NUP98: variants seen among roughly 807,000 people sequenced by gnomAD.
NUP98 encodes the protein nucleoporin 98 and 96 precursor.
In NUP98, 26 loss-of-function variants were observed where a neutral mutation model predicts 191.9. The ratio of observed to expected loss-of-function variants is 0.14; its 90% CI spans 0.10 to 0.19. The LOEUF is 0.19. Ranked by LOEUF, NUP98 falls within the 10% of genes least tolerant of loss-of-function variation. NUP98 has a pLI of 1.00. For synonymous variants in NUP98, 808 were observed against 778.4 expected (o/e 1.04, Z -0.63); for missense variants, 1,941 against 2,178.8 (o/e 0.89, Z 2.17).
At chr11:3,729,490 T>C (rs2079751077) in intron 14 of NUP98, among the ~76,000 whole-genome samples, 1 of 142,818 alleles carries the variant, frequency 7.0e-6, no homozygotes, top group African/African-American at 2.6e-5. Flanking sequence ...GGCTGAGGCT[T>C]GAGCCCAGGA....
At chr11:3,705,924 C>T (rs773872180) in intron 21 of NUP98, among the ~76,000 whole-genome samples, 2 of 147,590 alleles carry the variant, frequency 1.4e-5, no homozygotes, top group South Asian at 2.1e-4. Flanking sequence ...CCAACGCGGG[C>T]AGATCACCTG....
rs1170888720 is a variant in NUP98 at position 3,706,631 on chromosome 11, T to C, written c.2743-4A>G. The C allele has an allele frequency of 1.4e-5, 22 of 1,612,434 alleles. No homozygotes were observed. Among genetic ancestry groups the C allele is most frequent in the Non-Finnish European group, 1.7e-5 (20 of 1,179,484 alleles). On this transcript the variant is annotated splice_region_variant and splice_polypyrimidine_tract_variant and intron_variant, in intron 20 of 32. Coordinates refer to ENST00000324932, the MANE Select transcript of NUP98 (RefSeq NM_016320.5). Reference sequence around the variant, plus strand: ...GCTCCACCTCTGGGCTCTGGCTCTGTAGACAGCAGAAAGATCAGGAAAGCA... The same window carrying C: ...GCTCCACCTCTGGGCTCTGGCTCTGCAGACAGCAGAAAGATCAGGAAAGCA...
intron 11 of NUP98, among the ~76,000 whole-genome samples, chr11:3,746,084 A>G (rs1351758216): frequency 1.3e-5 from 2 of 152,004 alleles, no homozygotes; most frequent in African/African-American, 4.8e-5. Context: ...AGCCTGACCA[A>G]CATGGAGAAA....
intron 20 of NUP98, chr11:3,711,520 A>G (rs2079022509): frequency 2.0e-5 from 3 of 153,000 alleles, no homozygotes; most frequent in African/African-American, 7.2e-5. Flanking sequence ...CCTACATATT[A>G]CTTTTGTTAC....
intron 10 of NUP98, among the ~76,000 whole-genome samples, chr11:3,759,763 T>C (rs1406653585): frequency 3.3e-5 from 5 of 151,718 alleles, no homozygotes; most frequent in African/African-American, 1.2e-4. Context: ...TTCAAAATTT[T>C]TGAAACCGTA....
intron 23 of NUP98, among the ~76,000 whole-genome samples, 157 bp downstream of exon 23, chr11:3,702,306 C>G (rs1564821143): frequency 1.7e-5 from 1 of 58,092 alleles, no homozygotes; most frequent in South Asian, 8.1e-4. Flanking sequence ...CACACACACA[C>G]ACACACACTC....
At chr11:3,725,694 C>A (rs1456254380) in intron 14 of NUP98, among the ~76,000 whole-genome samples, 1 of 152,126 alleles carries the variant, frequency 6.6e-6, no homozygotes, top group East Asian at 1.9e-4. Flanking sequence ...TTTTTACTTT[C>A]TTTGGTTTGC....
At chr11:3,772,761 C>G (rs1279155409) in intron 6 of NUP98, among the ~76,000 whole-genome samples, 1 of 150,464 alleles carries the variant, frequency 6.6e-6, no homozygotes, top group Non-Finnish European at 1.5e-5. Context: ...TTGTAGTGAG[C>G]TGAGATCACG....
chr11:3,753,755 C>CCA (rs2080852854), intron 10 of NUP98, among the ~76,000 whole-genome samples: 1 of 10,170 alleles, frequency 9.8e-5, no homozygotes, highest in African/African-American at 4.5e-4. Context: ...TATAAAAATA[C>CCA]AAAAAAAAAA....
rs745660403 is a variant in NUP98 at position 3,731,369 on chromosome 11, C to T, written c.1730+22G>A. 8.1e-6 allele frequency: 12 copies of T among 1,473,930 alleles called. No individual in the cohort carries two copies. The South Asian group carries it at 1.4e-4, about 17-fold the overall frequency. 91.3% of individuals were successfully genotyped at this position (1,473,930 alleles called of 1,614,324 possible). On this transcript the variant is annotated intron_variant, in intron 14 of 32. Coordinates refer to ENST00000324932, the MANE Select transcript of NUP98 (RefSeq NM_016320.5). ...TATATCAGTATTTTACACTTAATTT[C>T]TGTTAACAAAAATAAACTCACTTGG... is the stretch of plus-strand genomic sequence containing the variant.
intron 27 of NUP98, among the ~76,000 whole-genome samples, chr11:3,692,044 T>C (rs989544722): frequency 6.6e-6 from 1 of 152,024 alleles, no homozygotes; most frequent in Non-Finnish European, 1.5e-5. Context: ...TAAAATTATA[T>C]AGTTTGTAGT....
intron 22 of NUP98, 136 bp from the exon 23 acceptor site, chr11:3,703,028 C>A: frequency 1.4e-6 from 1 of 712,910 alleles, no homozygotes; most frequent in South Asian, 2.1e-5. Context: ...TGTGGATGAC[C>A]AGAAGCAGGC....
At chr11:3,722,087 G>A (rs959681531) in intron 16 of NUP98, among the ~76,000 whole-genome samples, 1 of 144,010 alleles carries the variant, frequency 6.9e-6, no homozygotes, top group African/African-American at 2.5e-5. Context: ...CACAAATACA[G>A]ATTAAGCACC....
chr11:3,785,188 CA>C (rs529280684), intron 1 of NUP98, among the ~76,000 whole-genome samples: 166 of 148,504 alleles, frequency 1.1e-3, no homozygotes, highest in South Asian at 6.7e-3. Context: ...CAAAAACAAA[CA>C]AAAAAAAACA....
chr11:3,735,244 C>T lies in NUP98; in HGVS notation c.1489G>A (p.Gly497Arg), dbSNP rs2080002227. ...HINSLTYSPF[G>R]DSPLFRNPMS... ...GGATTCCGGAAGAGAGGAGAGTCTC[C>T]AAAAGGTGAGTATGTTAGACTATTG... The change falls in exon 13 of 33, where the codon GGA becomes AGA. Residue 497 changes from glycine (G) to arginine (R), a missense_variant. By Grantham distance (125) the Gly-to-Arg change is moderately radical. Transcript: ENST00000324932. 2 of 1,600,974 alleles carry T rather than the reference C, an allele frequency of 1.2e-6. No homozygotes were observed. The highest frequency in any genetic ancestry group is 1.7e-6 in the Non-Finnish European group (2 of 1,172,186).
At chr11:3,796,075 T>C (rs751036195) in intron 1 of NUP98, among the ~76,000 whole-genome samples, 1 of 152,224 alleles carries the variant, frequency 6.6e-6, no homozygotes, top group Non-Finnish European at 1.5e-5. Flanking sequence ...CAGGTAAACA[T>C]ACTGTAACCC....
chr11:3,720,969 T>TGTGA lies in NUP98; in HGVS notation c.2147-145_2147-144insTCAC, dbSNP rs2079371491. On this transcript the variant is annotated intron_variant, in intron 16 of 32. Transcript: ENST00000324932. ...CAAACATGATTCCTAGGAGAAGGGG[T>TGTGA]GTGTGAGTGTGTGTGTGTGTGTGTG... is the stretch of plus-strand genomic sequence containing the variant. The TGTGA allele has an allele frequency of 2.9e-5, 14 of 490,956 alleles. No individual in the cohort carries two copies. The South Asian group carries it at 3.2e-4, about 11-fold the overall frequency. The allele number at this position is 490,956 out of a possible 1,614,324, so 30.4% of individuals were successfully genotyped here.
chr11:3,695,649 A>G, intron 25 of NUP98, 43 bp from the exon 26 acceptor site: 4 of 1,359,718 alleles, frequency 2.9e-6, no homozygotes, highest in Non-Finnish European at 3.9e-6. Flanking sequence ...CTAAGGGTTT[A>G]TGGACTTCGT....
chr11:3,737,143 C>T (rs74049665), intron 12 of NUP98, among the ~76,000 whole-genome samples: 15,005 of 151,912 alleles, frequency 0.099, 1,554 homozygotes, highest in African/African-American at 0.26. Context: ...GATCAAAACC[C>T]AAAACATAAT....
Sources: allele counts gnomAD v4.1 joint callset (sites outside exome capture counted in the v4.1 genomes callset), GRCh38; gene constraint gnomAD v4.1.1; transcripts MANE v1.5; gene names NCBI Gene and HGNC (gene_info 2026-07-23, HGNC 2026-07-21).